Variants in MBD2 observed in about 807,000 individuals in gnomAD.
The protein encoded by MBD2 is methyl-CpG-binding domain protein 2.
Under a neutral mutation model 39.3 loss-of-function variants are expected in MBD2, and 9 were observed. The observed-to-expected ratio is 0.23, with a 90% CI of 0.14 to 0.40. The LOEUF (loss-of-function observed/expected upper bound fraction) is 0.40. Among genes scored for constraint, MBD2 ranks in the 10% least tolerant of loss-of-function variants. The pLI is 1.00. For missense variants in MBD2, 458 were observed against 532.6 expected (o/e 0.86, Z 1.38); for synonymous variants, 233 against 211.1 (o/e 1.10, Z -0.90).
rs1206112863 is a variant in MBD2 at position 54,224,544 on chromosome 18, C to G, written c.16G>C (p.Gly6Arg). The G allele has an allele frequency of 8.1e-7, 1 of 1,230,406 alleles. No homozygotes were observed. The highest frequency in any genetic ancestry group is 1.0e-6 in the Non-Finnish European group (1 of 986,962). The allele number at this position is 1,230,406 out of a possible 1,614,324, so 76.2% of individuals were successfully genotyped here. ...TGCTCCGGGCAGCAGCGGCCTCCCCCCGGGTGCGCGCGCATCCAGCCCCCT... is the reference window on the plus strand; with the variant it reads ...TGCTCCGGGCAGCAGCGGCCTCCCCGCGGGTGCGCGCGCATCCAGCCCCCT... MRAHP[G>R]GGRCCPEQEE... The change falls in exon 1 of 7, where the codon GGG becomes CGG. Residue 6 changes from glycine (G) to arginine (R), a missense_variant. Gly to Arg is a moderately radical substitution (Grantham distance 125, BLOSUM62 -2). This residue lies in a region of MBD2 where 269 missense variants were observed against 236.0 expected (regional missense o/e 1.14). Transcript: ENST00000256429.
intron 1 of MBD2, among the ~76,000 whole-genome samples, chr18:54,214,611 G>A (rs940114627): frequency 2.0e-5 from 3 of 152,142 alleles, no homozygotes; most frequent in African/African-American, 7.2e-5. Context: ...TACCAAGCAT[G>A]CGCTTCTATT....
intron 5 of MBD2, among the ~76,000 whole-genome samples, chr18:54,160,324 G>C (rs538231936): frequency 6.6e-6 from 1 of 152,350 alleles, no homozygotes; most frequent in East Asian, 1.9e-4. Flanking sequence ...GGAGGAAGCA[G>C]AGGCGTGATA....
intron 3 of MBD2, among the ~76,000 whole-genome samples, chr18:54,169,978 T>C (rs2086168455): frequency 6.6e-6 from 1 of 152,160 alleles, no homozygotes; most frequent in Admixed American, 6.5e-5. Context: ...ATAACACTAA[T>C]GGTCTGGGCA....
At position 54,220,933 on chromosome 18, in the gene MBD2, C is replaced by T. The variant is rs990911971; in HGVS notation, c.542+3085G>A. Among the ~76,000 whole-genome samples the T allele has an allele frequency of 1.6e-4, 25 of 152,288 alleles. 1 individual carries two copies. Among genetic ancestry groups the T allele is most frequent in the Non-Finnish European group, 1.0e-4 (7 of 68,022 alleles). ...GGTTGTTAACAATCCTGCAAAGTAA[C>T]GGAACCTCTGTAGACAGTTAATAAA... On this transcript the variant is annotated intron_variant, in intron 1 of 6. Transcript: ENST00000256429.
chr18:54,207,389 T>C (rs928473700), intron 1 of MBD2, among the ~76,000 whole-genome samples: 1 of 152,232 alleles, frequency 6.6e-6, no homozygotes, highest in African/African-American at 2.4e-5. Flanking sequence ...AATAATCTAC[T>C]ACCACTCGAA....
chr18:54,187,833 C>G, intron 3 of MBD2: 1 of 985,810 alleles, frequency 1.0e-6, no homozygotes, highest in Non-Finnish European at 1.2e-6. Context: ...GTTTTCCTGG[C>G]TCACCTGAAG....
At chr18:54,208,850 T>C (rs940260267) in intron 1 of MBD2, among the ~76,000 whole-genome samples, 1 of 152,210 alleles carries the variant, frequency 6.6e-6, no homozygotes, top group African/African-American at 2.4e-5. Flanking sequence ...GACCAGTTCA[T>C]TTTAGATCTC....
At chr18:54,167,272 T>C (rs1288102583) in intron 3 of MBD2, among the ~76,000 whole-genome samples, 3 of 152,126 alleles carry the variant, frequency 2.0e-5, no homozygotes, top group South Asian at 4.1e-4. Context: ...AAATCTCAGC[T>C]GCAACACTAT....
At chr18:54,200,203 T>A (rs138056915) in intron 2 of MBD2, among the ~76,000 whole-genome samples, 3 of 152,336 alleles carry the variant, frequency 2.0e-5, no homozygotes, top group African/African-American at 7.2e-5. Flanking sequence ...ACGAAAGAAT[T>A]GAGCCTTTCC....
chr18:54,214,852 G>A (rs1015595340), intron 1 of MBD2, among the ~76,000 whole-genome samples: 8 of 151,112 alleles, frequency 5.3e-5, no homozygotes, highest in African/African-American at 1.9e-4. Flanking sequence ...CCATTCTCCT[G>A]CCTCAGCCTC....
At chr18:54,159,694 G>A in intron 6 of MBD2, 71 bp downstream of exon 6, 1 of 1,545,636 alleles carries the variant, frequency 6.5e-7, no homozygotes, top group Non-Finnish European at 8.8e-7. Flanking sequence ...TGGGATTACA[G>A]GCAGAAGCAC....
chr18:54,195,291 G>A (rs1191191363), intron 2 of MBD2, among the ~76,000 whole-genome samples: 4 of 151,934 alleles, frequency 2.6e-5, no homozygotes, highest in Non-Finnish European at 4.4e-5. Flanking sequence ...ATATTCTAGG[G>A]TCCAAGCCTA....
chr18:54,174,544 AGT>A, intron 3 of MBD2, among the ~76,000 whole-genome samples: 1 of 152,220 alleles, frequency 6.6e-6, no homozygotes, highest in Non-Finnish European at 1.5e-5. Context: ...TGGAGAATCC[AGT>A]CATTCTGGAA....
chr18:54,168,487 C>T (rs585835), intron 3 of MBD2, among the ~76,000 whole-genome samples: 6,406 of 150,072 alleles, frequency 0.043, 448 homozygotes, highest in African/African-American at 0.15. Flanking sequence ...TAAGATTTTG[C>T]GTATGCTCTT....
intron 1 of MBD2, among the ~76,000 whole-genome samples, chr18:54,215,911 C>A (rs1345868313): frequency 2.0e-5 from 3 of 152,024 alleles, no homozygotes; most frequent in Admixed American, 6.6e-5. Flanking sequence ...AAGCGATTCT[C>A]CTGCCTCAGC....
At chr18:54,215,793 CTTT>C (rs764192938) in intron 1 of MBD2, among the ~76,000 whole-genome samples, 1 of 144,588 alleles carries the variant, frequency 6.9e-6, no homozygotes, top group East Asian at 2.0e-4. Context: ...CAAGCCCGGC[CTTT>C]TTTTTTTTGT....
intron 2 of MBD2, chr18:54,202,822 C>T: frequency 1.3e-6 from 2 of 1,549,964 alleles, no homozygotes; most frequent in Non-Finnish European, 1.8e-6. Flanking sequence ...ATGGTCCCTG[C>T]CCTCATGGAG....
intron 3 of MBD2, chr18:54,187,709 C>T: frequency 3.0e-6 from 3 of 985,894 alleles, no homozygotes; most frequent in Non-Finnish European, 3.6e-6. Context: ...ATGTGATACA[C>T]TTACATGGCC....
chr18:54,215,048 G>A (rs2086545436), intron 1 of MBD2, among the ~76,000 whole-genome samples: 1 of 151,912 alleles, frequency 6.6e-6, no homozygotes, highest in Non-Finnish European at 1.5e-5. Flanking sequence ...CCTCCACAAG[G>A]TAGAATTCTT....
Sources: gnomAD v4.1 joint callset for allele counts (sites outside exome capture counted in the v4.1 genomes callset) on GRCh38, gnomAD v4.1.1 for gene constraint, gnomAD v4.1.1 regional missense constraint, MANE v1.5 for transcripts, NCBI Gene and HGNC (gene_info 2026-07-23, HGNC 2026-07-21) for gene names.